The following RNLS variants were observed in gnomAD, a reference collection of about 807,000 sequenced individuals.
RNLS encodes the protein renalase.
Under a neutral mutation model 39.8 loss-of-function variants are expected in RNLS, and 39 were observed. That is an observed-to-expected ratio of 0.98 (90% CI 0.76 to 1.28). The LOEUF is 1.28. RNLS is among the 50% of genes most tolerant of loss of function. The pLI is 0.00. For synonymous variants in RNLS, 147 were observed against 150.7 expected (o/e 0.98, Z 0.18); for missense variants, 410 against 413.3 (o/e 0.99, Z 0.07).
chr10:88,569,837 AAAAAAAT>A (rs1456387916), intron 4 of RNLS, among the ~76,000 whole-genome samples: 3 of 152,078 alleles, frequency 2.0e-5, no homozygotes, highest in Non-Finnish European at 4.4e-5. Flanking sequence ...AATAAAAGCT[AAAAAAAT>A]AAAAAATAAA....
chr10:88,462,048 C>T (rs1027035531), intron 4 of RNLS, among the ~76,000 whole-genome samples: 8 of 151,892 alleles, frequency 5.3e-5, no homozygotes, highest in Admixed American at 2.0e-4. Flanking sequence ...ATAGTTGTTG[C>T]CCTATAAATT....
At chr10:88,286,935 T>C (rs1279821652) in intron 6 of RNLS, among the ~76,000 whole-genome samples, 1 of 151,764 alleles carries the variant, frequency 6.6e-6, no homozygotes, top group African/African-American at 2.4e-5. Flanking sequence ...GGACTGTAAG[T>C]GCACACCACC....
At chr10:88,442,620 G>C (rs914198309) in intron 4 of RNLS, among the ~76,000 whole-genome samples, 1 of 151,798 alleles carries the variant, frequency 6.6e-6, no homozygotes, top group African/African-American at 2.4e-5. Flanking sequence ...CTCACCCCTG[G>C]ATTTTGTGCC....
chr10:88,220,344 G>A, the RNLS span, among the ~76,000 whole-genome samples: 4 of 152,188 alleles, frequency 2.6e-5, no homozygotes, highest in Admixed American at 6.5e-5. Context: ...GACTTCAGGT[G>A]CCATTAAGCC....
At chr10:88,345,999 GAATT>G (rs1255350896) in intron 5 of RNLS, among the ~76,000 whole-genome samples, 1 of 151,968 alleles carries the variant, frequency 6.6e-6, no homozygotes, top group Non-Finnish European at 1.5e-5. Context: ...ATACAATAAA[GAATT>G]AATCACTCAC....
At chr10:88,550,772 C>T (rs1848570611) in intron 4 of RNLS, among the ~76,000 whole-genome samples, 1 of 152,160 alleles carries the variant, frequency 6.6e-6, no homozygotes, top group Non-Finnish European at 1.5e-5. Flanking sequence ...ACACTTCAAA[C>T]AGCAATTACA....
At chr10:88,575,157 TATACACACACAC>T (rs1302218339) in intron 3 of RNLS, among the ~76,000 whole-genome samples, 4 of 36,642 alleles carry the variant, frequency 1.1e-4, no homozygotes, top group East Asian at 8.0e-4. Flanking sequence ...TATATATATA[TATACACACACAC>T]ACACACACAC....
chr10:88,355,176 G>T lies in RNLS; in HGVS notation c.700+7376C>A, dbSNP rs2081617. 2.9e-3 allele frequency among the ~76,000 whole-genome samples: 443 copies of T among 151,668 alleles called. 3 individuals are homozygous for T. Among genetic ancestry groups the T allele is most frequent in the African/African-American group, 9.9e-3 (409 of 41,352 alleles). On this transcript the variant is annotated intron_variant, in intron 5 of 6. Transcript: ENST00000331772. The stretch of plus-strand genomic sequence containing the variant: ...GGGTTAGAACTTCCTCCTTTAGCTT[G>T]GAGAAGTTTGATCATCTGAAGCCTT...
chr10:88,506,789 T>C (rs967025621), intron 4 of RNLS, among the ~76,000 whole-genome samples: 2 of 152,022 alleles, frequency 1.3e-5, no homozygotes, highest in African/African-American at 4.8e-5. Context: ...AACCAAAAAG[T>C]CAGAAAACAA....
At chr10:88,261,093 G>T in the RNLS span, among the ~76,000 whole-genome samples, 2 of 152,336 alleles carry the variant, frequency 1.3e-5, no homozygotes, top group South Asian at 2.1e-4. Context: ...TTCTGATAAT[G>T]GCTGGAAACA....
intron 4 of RNLS, among the ~76,000 whole-genome samples, chr10:88,376,338 C>T (rs1201022021): frequency 1.3e-5 from 2 of 151,942 alleles, no homozygotes; most frequent in Non-Finnish European, 2.9e-5. Flanking sequence ...GAATAGGCAC[C>T]TCATAGAAAA....
intron 4 of RNLS, among the ~76,000 whole-genome samples, chr10:88,464,745 C>T (rs1454251030): frequency 7.3e-6 from 1 of 136,902 alleles, no homozygotes; most frequent in Non-Finnish European, 1.5e-5. Flanking sequence ...AAAACACTAA[C>T]AGCAAAGAAC....
chr10:88,346,462 G>T lies in RNLS; in HGVS notation c.700+16090C>A, dbSNP rs118062583. Among the ~76,000 whole-genome samples, 1,070 of 152,268 alleles carry T rather than the reference G, an allele frequency of 7.0e-3. 8 individuals carry two copies. The highest frequency in any genetic ancestry group is 1.0e-2 in the Non-Finnish European group (679 of 68,008). On this transcript the variant is annotated intron_variant, in intron 5 of 6. Coordinates refer to ENST00000331772, the MANE Select transcript of RNLS (RefSeq NM_001031709.3). ...GGCTTCTAATCATTCTAATTGCGAA[G>T]AACTCACATATGCTTTTCAGTGGCT... is the stretch of plus-strand genomic sequence containing the variant.
intron 5 of RNLS, among the ~76,000 whole-genome samples, chr10:88,340,576 A>T (rs1169635783): frequency 1.3e-5 from 2 of 152,208 alleles, no homozygotes; most frequent in African/African-American, 4.8e-5. Flanking sequence ...ATAAAAAGAC[A>T]TTGTTTTATG....
the RNLS span, among the ~76,000 whole-genome samples, chr10:88,198,933 G>C: frequency 6.6e-6 from 1 of 152,136 alleles, no homozygotes. Context: ...GTGTAACAAG[G>C]CATTTTTGAA....
At chr10:88,376,415 T>TATTTA (rs1851001884) in intron 4 of RNLS, among the ~76,000 whole-genome samples, 2 of 152,188 alleles carry the variant, frequency 1.3e-5, no homozygotes, top group African/African-American at 4.8e-5. Flanking sequence ...ATAAAATATT[T>TATTTA]ATTTATTGTA....
intron 4 of RNLS, among the ~76,000 whole-genome samples, chr10:88,411,344 A>T (rs931120864): frequency 2.0e-5 from 3 of 152,058 alleles, no homozygotes; most frequent in Admixed American, 2.0e-4. Flanking sequence ...GCTTTTGAAA[A>T]AGTAGAAACT....
At chr10:88,382,135 GA>G (rs1851558907) in intron 4 of RNLS, among the ~76,000 whole-genome samples, 1 of 152,020 alleles carries the variant, frequency 6.6e-6, no homozygotes, top group African/African-American at 2.4e-5. Context: ...GTTATCATTT[GA>G]TTGTGTTTTA....
chr10:88,353,097 CT>C (rs1233823370), intron 5 of RNLS, among the ~76,000 whole-genome samples: 2 of 152,100 alleles, frequency 1.3e-5, no homozygotes, highest in African/African-American at 4.8e-5. Context: ...CTGTTTTCTT[CT>C]TTTTTAGTCT....
Sources: gnomAD v4.1 joint callset for allele counts (sites outside exome capture counted in the v4.1 genomes callset) on GRCh38, gnomAD v4.1.1 for gene constraint, MANE v1.5 for transcripts, NCBI Gene and HGNC (gene_info 2026-07-23, HGNC 2026-07-21) for gene names.